CAMKMT: variants seen among roughly 807,000 people sequenced by gnomAD.
The protein encoded by CAMKMT is calmodulin-lysine N-methyltransferase.
CAMKMT carries 53 observed loss-of-function variants against 48.0 expected under a neutral mutation model. The observed-to-expected ratio is 1.10, with a 90% CI of 0.89 to 1.39. The LOEUF is 1.39. CAMKMT is among the 40% of genes most tolerant of loss of function. The pLI is 0.00. For missense variants in CAMKMT, 428 were observed against 402.7 expected (o/e 1.06, Z -0.54); for synonymous variants, 165 against 152.3 (o/e 1.08, Z -0.61).
intron 3 of CAMKMT, among the ~76,000 whole-genome samples, chr2:44,573,044 A>C (rs1669009146): frequency 6.6e-6 from 1 of 151,764 alleles, no homozygotes; most frequent in South Asian, 2.1e-4. Flanking sequence ...TATTACTGTT[A>C]GTAATAGTAA....
At chr2:44,549,314 C>A (rs1055287322) in intron 3 of CAMKMT, among the ~76,000 whole-genome samples, 1 of 152,120 alleles carries the variant, frequency 6.6e-6, no homozygotes, top group Non-Finnish European at 1.5e-5. Context: ...TTCCCAACCC[C>A]TATGGGAATT....
rs377129716 is a variant in CAMKMT, at chr2:44,372,916, T to C, written c.311+28T>C. 3 of 1,562,020 alleles carry C rather than the reference T, an allele frequency of 1.9e-6. No individual in the cohort carries two copies. The African/African-American group carries it at 4.1e-5, about 21-fold the overall frequency. On this transcript the variant is annotated intron_variant, in intron 2 of 10. Coordinates refer to ENST00000378494, the MANE Select transcript of CAMKMT (RefSeq NM_024766.5). ...AACCATTATTCTAGTTAAGATTTTG[T>C]AAACACTAGATTTCTCTTGGATAAG...
At chr2:44,585,886 G>T (rs372736051) in intron 3 of CAMKMT, among the ~76,000 whole-genome samples, 1 of 152,156 alleles carries the variant, frequency 6.6e-6, no homozygotes, top group Non-Finnish European at 1.5e-5. Flanking sequence ...GTGTAAAGGG[G>T]AATATGATTT....
intron 3 of CAMKMT, chr2:44,550,757 T>G: frequency 6.6e-6 from 1 of 152,194 alleles, no homozygotes; most frequent in Non-Finnish European, 1.5e-5. Flanking sequence ...CTTTACAAGT[T>G]GTTTTGTAAT....
intron 3 of CAMKMT, among the ~76,000 whole-genome samples, chr2:44,588,776 A>C: frequency 3.1e-5 from 1 of 32,082 alleles, no homozygotes; most frequent in African/African-American, 1.3e-4. Context: ...CCTACTGGGA[A>C]GTGAGGACCC....
intron 3 of CAMKMT, among the ~76,000 whole-genome samples, 158 bp downstream of exon 3, chr2:44,390,463 C>T (rs1401777535): frequency 6.6e-6 from 1 of 150,592 alleles, no homozygotes; most frequent in African/African-American, 2.5e-5. Context: ...GCAAAATAAG[C>T]CTTGTATAAG....
At chr2:44,645,410 G>A (rs1673678028) in intron 3 of CAMKMT, among the ~76,000 whole-genome samples, 1 of 152,188 alleles carries the variant, frequency 6.6e-6, no homozygotes, top group Non-Finnish European at 1.5e-5. Context: ...AGCCCAAGGA[G>A]AAGGGGAAAG....
intron 3 of CAMKMT, among the ~76,000 whole-genome samples, chr2:44,546,173 A>G (rs1036891031): frequency 1.1e-4 from 14 of 123,782 alleles, no homozygotes; most frequent in Non-Finnish European, 1.6e-4. Flanking sequence ...ACACACACAC[A>G]CACACACACA....
At chr2:44,605,029 T>C (rs1671206142) in intron 3 of CAMKMT, among the ~76,000 whole-genome samples, 1 of 152,144 alleles carries the variant, frequency 6.6e-6, no homozygotes, top group Non-Finnish European at 1.5e-5. Flanking sequence ...GACATGCAAT[T>C]ACAAGGCCCT....
At chr2:44,410,731 G>T (rs115191524) in intron 3 of CAMKMT, among the ~76,000 whole-genome samples, 3 of 152,128 alleles carry the variant, frequency 2.0e-5, no homozygotes, top group African/African-American at 7.2e-5. Context: ...TCATTAACAA[G>T]TGAAGGATTG....
In CAMKMT at chr2:44,712,006, A is replaced by G. The variant is rs77577074; in HGVS notation, c.557-3281A>G. ...TGAACGTCATCTTGCATTTCCTTAC[A>G]TGCTCTGGAAATAAAGGCCTCTCAT... On this transcript the variant is annotated intron_variant, in intron 6 of 10. Coordinates refer to ENST00000378494, the MANE Select transcript of CAMKMT (RefSeq NM_024766.5). Among the ~76,000 whole-genome samples the G allele has an allele frequency of 6.6e-4, 101 of 152,244 alleles. 3 individuals carry two copies. The East Asian group carries it at 0.018, about 26-fold the overall frequency.
intron 3 of CAMKMT, among the ~76,000 whole-genome samples, chr2:44,632,105 A>G (rs1672867171): frequency 6.6e-6 from 1 of 152,138 alleles, no homozygotes; most frequent in South Asian, 2.1e-4. Flanking sequence ...TTAAAAAAAG[A>G]AAAATGTTTG....
At chr2:44,386,568 T>G (rs1680797403) in intron 2 of CAMKMT, among the ~76,000 whole-genome samples, 1 of 152,096 alleles carries the variant, frequency 6.6e-6, no homozygotes, top group Admixed American at 6.6e-5. Flanking sequence ...TTAGGTTTGG[T>G]TTGTTCTTGT....
chr2:44,530,126 C>G (rs1666404627), intron 3 of CAMKMT, among the ~76,000 whole-genome samples: 1 of 152,102 alleles, frequency 6.6e-6, no homozygotes, highest in South Asian at 2.1e-4. Context: ...TAGTATTACA[C>G]CAGGTGGCCT....
chr2:44,374,278 G>C (rs866110525), intron 2 of CAMKMT, among the ~76,000 whole-genome samples: 32 of 152,174 alleles, frequency 2.1e-4, no homozygotes, highest in Admixed American at 3.9e-4. Context: ...TTTTGTCCTT[G>C]GTTAGAAAGG....
At chr2:44,471,640 G>A (rs1436654066) in intron 3 of CAMKMT, among the ~76,000 whole-genome samples, 1 of 151,988 alleles carries the variant, frequency 6.6e-6, no homozygotes, top group Non-Finnish European at 1.5e-5. Flanking sequence ...CATGACCTTG[G>A]AGTCAAGTAG....
At chr2:44,744,776 G>A (rs1234747204) in intron 8 of CAMKMT, among the ~76,000 whole-genome samples, 1 of 151,510 alleles carries the variant, frequency 6.6e-6, no homozygotes, top group African/African-American at 2.4e-5. Flanking sequence ...TTGGAATTAG[G>A]TTTGCTTTTT....
At chr2:44,385,204 T>C (rs140673795) in intron 2 of CAMKMT, among the ~76,000 whole-genome samples, 4 of 152,296 alleles carry the variant, frequency 2.6e-5, no homozygotes, top group Admixed American at 2.6e-4. Flanking sequence ...GACGTCTTGG[T>C]TAGGTATATT....
chr2:44,729,023 TAA>T (rs58088335), intron 7 of CAMKMT, among the ~76,000 whole-genome samples: 1 of 146,682 alleles, frequency 6.8e-6, no homozygotes, highest in Non-Finnish European at 1.5e-5. Flanking sequence ...TTTGTTTTTT[TAA>T]AAAAAAAAAG....
Sources: gnomAD v4.1 joint callset for allele counts (sites outside exome capture counted in the v4.1 genomes callset) on GRCh38, gnomAD v4.1.1 for gene constraint, MANE v1.5 for transcripts, NCBI Gene and HGNC (gene_info 2026-07-23, HGNC 2026-07-21) for gene names.